NAALADL1: variants seen among roughly 807,000 people sequenced by gnomAD.
NAALADL1 encodes N-acetylated alpha-linked acidic dipeptidase like 1.
In NAALADL1, 77 loss-of-function variants were observed where a neutral mutation model predicts 82.8. The ratio of observed to expected loss-of-function variants is 0.93; its 90% CI spans 0.77 to 1.12. The LOEUF (loss-of-function observed/expected upper bound fraction) is 1.12. Among genes scored for constraint, NAALADL1 ranks in the 50% most tolerant of loss-of-function variants. The pLI, the probability that NAALADL1 is intolerant of heterozygous loss-of-function variation, is 0.00. For missense variants in NAALADL1, 956 were observed against 964.0 expected, an observed-to-expected ratio of 0.99 and a Z score of 0.11; for synonymous variants, 358 against 399.2, an observed-to-expected ratio of 0.90 and a Z score of 1.23.
In NAALADL1 at chr11:65,053,582, G is replaced by A. The variant is rs1264933900; in HGVS notation, c.993-6C>T. On this transcript the variant is annotated splice_polypyrimidine_tract_variant and splice_region_variant and intron_variant, in intron 6 of 17. Transcript: ENST00000358658. The surrounding 1 kb of genome is among the most constrained non-coding windows in gnomAD (Gnocchi z 4.3). ...AGACGCTCACATTCACCTGGCTGGG[G>A]AGGGTGAAGGGTGTGAGAAGACTCT... is the stretch of plus-strand genomic sequence containing the variant. 3.1e-6 allele frequency: 5 copies of A among 1,588,966 alleles called. No homozygotes were observed. Among genetic ancestry groups the A allele is most frequent in the Non-Finnish European group, 3.4e-6 (4 of 1,165,994 alleles).
At position 65,046,366 on chromosome 11, in the gene NAALADL1, C is replaced by T. The variant is rs116068396; in HGVS notation, c.1682-4G>A. On this transcript the variant is annotated splice_region_variant and splice_polypyrimidine_tract_variant and intron_variant, in intron 14 of 17. Transcript: ENST00000358658. ...ACAGCCTGATGGCTGCTGAAGCCTG[C>T]GGCAAGGTGACAAGGCCAGGGCTCA... The T allele has an allele frequency of 2.0e-3, 3,154 of 1,614,166 alleles. 46 individuals carry two copies. The African/African-American group carries it at 0.035, about 18-fold the overall frequency.
intron 4 of NAALADL1, among the ~76,000 whole-genome samples, chr11:65,056,607 G>A (rs753172042): frequency 1.9e-4 from 28 of 151,026 alleles, no homozygotes; most frequent in Non-Finnish European, 3.7e-4. Context: ...GGGTTTCACC[G>A]TGTTGCCCAG....
In NAALADL1 at chr11:65,046,325, C is replaced by T. The variant is rs373045884; in HGVS notation, c.1719G>A (p.Gly573=). ...TGTCACTGAGCCGGAGAATCACACT[C>T]CCCGCTGTCCGGGCCACAGCCTGAT... ...SSHQAVARTA[G]SVILRLSDSF... Residue 573 remains glycine (G), a synonymous_variant, in exon 15 of 18, where the codon GGG becomes GGA. Coordinates refer to ENST00000358658, the MANE Select transcript of NAALADL1 (RefSeq NM_005468.3). 6 of 1,614,116 alleles carry T rather than the reference C, an allele frequency of 3.7e-6. No individual in the cohort carries two copies. The highest frequency in any genetic ancestry group is 1.3e-5 in the African/African-American group (1 of 74,944).
rs1299274280 is a variant in NAALADL1 at position 65,045,805 on chromosome 11, C to T, written c.2036+17G>A. 1.9e-6 allele frequency: 3 copies of T among 1,612,024 alleles called. No homozygotes were observed. On this transcript the variant is annotated intron_variant, in intron 17 of 17. Transcript: ENST00000358658. ...CCCCACCTGGAGGCACCTCCCAGGACTCTGGGACAGACTCACCTGTAGTAG... is the reference window on the plus strand; with the variant it reads ...CCCCACCTGGAGGCACCTCCCAGGATTCTGGGACAGACTCACCTGTAGTAG...
Position 65,045,273 on chromosome 11 carries a change from AGAGGT to A in NAALADL1, c.2216_2220del (p.Asp739ValfsTer56). ...GGGCTGAAGAAAGAGGGCTGGGGTC[AGAGGT>A]CAGCCACAGGCCTCAGGGTGGCTGC... On this transcript the variant is annotated frameshift_variant, in exon 18 of 18. Transcript: ENST00000358658. LOFTEE classifies it high-confidence loss of function. 6.2e-7 allele frequency: 1 copy of A among 1,604,768 alleles called. No individual in the cohort carries two copies.
Position 65,048,200 on chromosome 11 carries a change from G to A in NAALADL1, c.1300C>T (p.Leu434=), listed in dbSNP as rs1946790679. 6.2e-7 allele frequency: 1 copy of A among 1,613,798 alleles called. No individual in the cohort carries two copies. Among genetic ancestry groups the A allele is most frequent in the Non-Finnish European group, 8.5e-7 (1 of 1,179,958 alleles). ...ATGTAGGCCACCGTGCGCTCCTGCA[G>A]CTTGTTGAAGAACTCCTGCGGGTGC... ...TEFTEEFFNK[L]QERTVAYINV... The change falls in exon 10 of 18, where the codon CTG becomes TTG. Residue 434 remains leucine (L), a synonymous_variant. Transcript: ENST00000358658.
intron 8 of NAALADL1, among the ~76,000 whole-genome samples, chr11:65,050,044 T>A (rs1946844738): frequency 6.6e-6 from 1 of 151,034 alleles, no homozygotes; most frequent in Non-Finnish European, 1.5e-5. Context: ...CCCAGCTAAT[T>A]TTTGTATTTT....
chr11:65,045,286 A>G lies in NAALADL1; in HGVS notation c.2208T>C (p.Pro736=). Residue 736 remains proline, a synonymous_variant, in exon 18 of 18, where the codon CCT becomes CCC. Coordinates refer to ENST00000358658, the MANE Select transcript of NAALADL1 (RefSeq NM_005468.3). ...ALEGAAATLR[P]VADL Reference sequence around the variant, plus strand: ...AGGGCTGGGGTCAGAGGTCAGCCACAGGCCTCAGGGTGGCTGCCGCACCCT... The same window carrying G: ...AGGGCTGGGGTCAGAGGTCAGCCACGGGCCTCAGGGTGGCTGCCGCACCCT... 6.2e-7 allele frequency: 1 copy of G among 1,605,880 alleles called. No individual in the cohort carries two copies. Among genetic ancestry groups the G allele is most frequent in the Non-Finnish European group, 8.5e-7 (1 of 1,174,672 alleles).
rs1214998513 is a variant in NAALADL1 at position 65,057,476 on chromosome 11, G to T, written c.498C>A (p.Ala166=). The part of the protein sequence containing the change: ...SGTPQGLLVY[A]NRGAEEDFKE... Reference sequence around the variant, plus strand: ...TAAAGTCTTCTTCCGCGCCCCGGTTGGCATAGACGAGGAGGCCCTAGTCCC... The same window carrying T: ...TAAAGTCTTCTTCCGCGCCCCGGTTTGCATAGACGAGGAGGCCCTAGTCCC... The change falls in exon 4 of 18, where the codon GCC becomes GCA. Residue 166 remains alanine, a synonymous_variant. Coordinates refer to ENST00000358658, the MANE Select transcript of NAALADL1 (RefSeq NM_005468.3). 5 of 1,613,760 alleles carry T rather than the reference G, an allele frequency of 3.1e-6. No homozygotes were observed. The Admixed American group carries it at 8.3e-5, about 27-fold the overall frequency.
Position 65,054,191 on chromosome 11 carries a change from G to T in NAALADL1, c.992+59C>A. On this transcript the variant is annotated intron_variant, in intron 6 of 17. Coordinates refer to ENST00000358658, the MANE Select transcript of NAALADL1 (RefSeq NM_005468.3). The surrounding 1 kb of genome is among the most constrained non-coding windows in gnomAD (Gnocchi z 4.3). ...AGAGGGAACATCATCACAAGGGAAG[G>T]GGAGAGGCGAGTTGGGGGAGAGGGC... is the stretch of plus-strand genomic sequence containing the variant. 1 of 1,411,194 alleles carries T rather than the reference G, an allele frequency of 7.1e-7. No individual in the cohort carries two copies. Among genetic ancestry groups the T allele is most frequent in the South Asian group, 1.2e-5 (1 of 82,844 alleles). 87.4% of individuals were successfully genotyped at this position (1,411,194 alleles called of 1,614,324 possible). A position where few individuals can be genotyped will look rare whatever the true frequency, so the allele number is the denominator to read the frequency against.
chr11:65,046,276 T>C lies in NAALADL1; in HGVS notation c.1768A>G (p.Ser590Gly), dbSNP rs776298687. 3.7e-6 allele frequency: 6 copies of C among 1,614,182 alleles called. No individual in the cohort carries two copies. The East Asian group carries it at 8.9e-5, about 24-fold the overall frequency. Residue 590 changes from serine to glycine, a missense_variant, in exon 15 of 18, where the codon AGT (serine) becomes GGT (glycine). Coordinates refer to ENST00000358658, the MANE Select transcript of NAALADL1 (RefSeq NM_005468.3). Reference sequence around the variant, plus strand: ...CTGCGGAGTGTCTCACTGTAGTCACTGACTTTGAGGGGCAGGAAGAAGCTG... The same window carrying C: ...CTGCGGAGTGTCTCACTGTAGTCACCGACTTTGAGGGGCAGGAAGAAGCTG... ...SDSFFLPLKV[S>G]DYSETLRSFL...
At chr11:65,056,144 G>A (rs866750686) in intron 4 of NAALADL1, among the ~76,000 whole-genome samples, 2 of 151,622 alleles carry the variant, frequency 1.3e-5, no homozygotes, top group Non-Finnish European at 2.9e-5. Flanking sequence ...CTTGGCCTCC[G>A]AAAGTGCTGG....
chr11:65,055,886 T>C (rs1325027406), intron 4 of NAALADL1, among the ~76,000 whole-genome samples: 2 of 138,684 alleles, frequency 1.4e-5, no homozygotes, highest in African/African-American at 2.6e-5. Flanking sequence ...TATGGACACC[T>C]TTTTTTTTTT....
upstream of NAALADL1, among the ~76,000 whole-genome samples, chr11:65,060,993 C>A (rs1947180601): frequency 6.6e-6 from 1 of 152,170 alleles, no homozygotes; most frequent in South Asian, 2.1e-4. Flanking sequence ...TCCTTCACCT[C>A]CCACGTGTAC....
rs1198161443 is a variant in NAALADL1, at chr11:65,047,954, AGCCCCGCCCGGCCT to A, written c.1416+13_1416+26del. The A allele has an allele frequency of 6.8e-7, 1 of 1,481,168 alleles. No homozygotes were observed. The highest frequency in any genetic ancestry group is 2.1e-5 in the Admixed American group (1 of 47,598). The allele number at this position is 1,481,168 out of a possible 1,614,324, so 91.8% of individuals were successfully genotyped here. On this transcript the variant is annotated intron_variant, in intron 11 of 17. Transcript: ENST00000358658. Reference sequence around the variant, plus strand: ...GCACGCGGCCCGCCCCAGCTAGTTCAGCCCCGCCCGGCCTGCCCCCTTCCACCTCTTTGGTTGCA... The same window carrying A: ...GCACGCGGCCCGCCCCAGCTAGTTCAGCCCCCTTCCACCTCTTTGGTTGCA...
In NAALADL1 at chr11:65,053,550, C is replaced by T. The variant is rs540073968; in HGVS notation, c.1019G>A (p.Arg340His). ...DSQVNVSVYNRLELRNSSNVL... is the reference protein window; with the variant it reads ...DSQVNVSVYNHLELRNSSNVL... ...GTTGGAAGAGTTCCTCAGCTCCAGG[C>T]GGTTGTAGACGCTCACATTCACCTG... The change falls in exon 7 of 18, where the codon CGC becomes CAC. Residue 340 changes from arginine (R) to histidine (H), a missense_variant. By Grantham distance (29) the Arg-to-His change is conservative. Coordinates refer to ENST00000358658, the MANE Select transcript of NAALADL1 (RefSeq NM_005468.3). The surrounding 1 kb of genome is among the most constrained non-coding windows in gnomAD (Gnocchi z 4.3). 35 of 1,607,274 alleles carry T rather than the reference C, an allele frequency of 2.2e-5. No homozygotes were observed. The highest frequency in any genetic ancestry group is 2.1e-4 in the African/African-American group (16 of 74,822).
At position 65,053,608 on chromosome 11, in the gene NAALADL1, T is replaced by G; in HGVS notation, c.993-32A>C. On this transcript the variant is annotated intron_variant, in intron 6 of 17. Coordinates refer to ENST00000358658, the MANE Select transcript of NAALADL1 (RefSeq NM_005468.3). This position sits in a 1 kb window ranked among gnomAD's most constrained non-coding sequence, Gnocchi z 4.3. ...AGGGTGAAGGGTGTGAGAAGACTCT[T>G]GGCCTTGCCCACTGCCCCCGACCCA... 1 of 1,553,346 alleles carries G rather than the reference T, an allele frequency of 6.4e-7. No homozygotes were observed. The highest frequency in any genetic ancestry group is 8.7e-7 in the Non-Finnish European group (1 of 1,146,228).
intron 8 of NAALADL1, among the ~76,000 whole-genome samples, chr11:65,049,464 C>T (rs1385141215): frequency 6.6e-6 from 1 of 152,152 alleles, no homozygotes; most frequent in African/African-American, 2.4e-5. Flanking sequence ...ATAATAATAG[C>T]AGGATCATGA....
chr11:65,046,970 C>T (rs1386696256), intron 13 of NAALADL1, among the ~76,000 whole-genome samples: 1 of 151,342 alleles, frequency 6.6e-6, no homozygotes, highest in East Asian at 1.9e-4. Context: ...AGATTAACTT[C>T]CCCCCTCCCA....
Sources: gnomAD v4.1 joint callset for allele counts (sites outside exome capture counted in the v4.1 genomes callset) on GRCh38, gnomAD v4.1.1 for gene constraint, Gnocchi (gnomAD v3.1) non-coding constraint, MANE v1.5 for transcripts, NCBI Gene and HGNC (gene_info 2026-07-23, HGNC 2026-07-21) for gene names.